The following MYO16 variants were observed in gnomAD, a reference collection of about 807,000 sequenced individuals.
The protein encoded by MYO16 is unconventional myosin-XVI.
A neutral mutation model predicts 205.3 loss-of-function variants in MYO16; 94 were observed. The observed-to-expected ratio is 0.46, with a 90% CI of 0.39 to 0.54. The LOEUF (loss-of-function observed/expected upper bound fraction) is 0.54, where lower values mean the gene tolerates loss of function less well. MYO16 is among the 20% of genes least tolerant of loss of function. The pLI, the probability that MYO16 is intolerant of heterozygous loss-of-function variation, is 0.00. For synonymous variants in MYO16, 988 were observed against 954.0 expected (o/e 1.04, Z -0.66); for missense variants, 2,315 against 2,387.5 (o/e 0.97, Z 0.63).
At position 109,133,388 on chromosome 13, in the gene MYO16, T is replaced by G. The variant is rs142374792; in HGVS notation, c.4051+5838T>G. 5.0e-3 allele frequency among the ~76,000 whole-genome samples: 768 copies of G among 152,364 alleles called. 15 individuals carry two copies. Among genetic ancestry groups the G allele is most frequent in the Middle Eastern group, 0.041 (12 of 294 alleles). ...CTCATTCCTCCTTTTTCTCATAGAT[T>G]AACTATGCAGGTATTTTGTTCTTGT... is the stretch of plus-strand genomic sequence containing the variant. On this transcript the variant is annotated intron_variant, in intron 31 of 34. Coordinates refer to ENST00000457511, the MANE Select transcript of MYO16 (RefSeq NM_001198950.3).
chr13:108,575,780 A>G, the MYO16 span, among the ~76,000 whole-genome samples: 1 of 152,118 alleles, frequency 6.6e-6, no homozygotes, highest in African/African-American at 2.4e-5. Flanking sequence ...TGTGGTGCCT[A>G]CGCTCTGGTT....
chr13:108,716,753 T>A (rs557481864), intron 3 of MYO16, among the ~76,000 whole-genome samples: 1 of 152,280 alleles, frequency 6.6e-6, no homozygotes, highest in East Asian at 1.9e-4. Context: ...AATGCGAGTG[T>A]GGGCATCAAG....
the MYO16 span, among the ~76,000 whole-genome samples, chr13:108,570,165 A>T: frequency 3.3e-5 from 5 of 151,840 alleles, no homozygotes; most frequent in African/African-American, 1.2e-4. Flanking sequence ...TTTATTCTAC[A>T]CTTTGGAAGT....
chr13:108,717,186 TC>T (rs1209464722), intron 3 of MYO16, among the ~76,000 whole-genome samples: 2 of 152,162 alleles, frequency 1.3e-5, no homozygotes, highest in Non-Finnish European at 1.5e-5. Context: ...GAGAAGGCGC[TC>T]CCAATGGTAA....
chr13:109,140,219 T>G lies in MYO16; in HGVS notation c.4052-45T>G. The G allele has an allele frequency of 6.3e-7, 1 of 1,587,712 alleles. No individual in the cohort carries two copies. The highest frequency in any genetic ancestry group is 8.5e-7 in the Non-Finnish European group (1 of 1,174,522). ...GAGCCCCGGGCTTGGTGGGCACCCGTGGGCCTGGCCTGGCACCCACTGACC... is the reference window on the plus strand; with the variant it reads ...GAGCCCCGGGCTTGGTGGGCACCCGGGGGCCTGGCCTGGCACCCACTGACC... On this transcript the variant is annotated intron_variant, in intron 31 of 34. Transcript: ENST00000457511. This position sits in a 1 kb window ranked among gnomAD's most constrained non-coding sequence, Gnocchi z 8.0.
chr13:108,957,810 T>G lies in MYO16; in HGVS notation c.2037+11T>G. 1 of 1,582,506 alleles carries G rather than the reference T, an allele frequency of 6.3e-7. No individual in the cohort carries two copies. Among genetic ancestry groups the G allele is most frequent in the Non-Finnish European group, 8.7e-7 (1 of 1,151,848 alleles). On this transcript the variant is annotated intron_variant, in intron 17 of 34. Coordinates refer to ENST00000457511, the MANE Select transcript of MYO16 (RefSeq NM_001198950.3). Reference sequence around the variant, plus strand: ...GGCTTCAGCAGCTTGGTGAGTCATGTCATAAATATTTCACTGAGAAAATCA... The same window carrying G: ...GGCTTCAGCAGCTTGGTGAGTCATGGCATAAATATTTCACTGAGAAAATCA...
chr13:108,972,391 T>C (rs1342623099), intron 20 of MYO16, among the ~76,000 whole-genome samples: 2 of 75,014 alleles, frequency 2.7e-5, no homozygotes, highest in Non-Finnish European at 5.0e-5. Context: ...TATATATATA[T>C]ATATATAGTG....
chr13:109,117,898 T>C (rs1280492162), intron 28 of MYO16, among the ~76,000 whole-genome samples: 1 of 152,194 alleles, frequency 6.6e-6, no homozygotes, highest in Non-Finnish European at 1.5e-5. Context: ...TCCCAGCATA[T>C]CCAAATTGCT....
intron 28 of MYO16, among the ~76,000 whole-genome samples, chr13:109,103,518 T>C (rs566935928): frequency 1.3e-5 from 2 of 152,372 alleles, no homozygotes; most frequent in South Asian, 4.1e-4. Flanking sequence ...TATATTTTGC[T>C]GTGTTAAGTG....
At chr13:109,203,888 C>A (rs1008077361) in intron 34 of MYO16, among the ~76,000 whole-genome samples, 1 of 152,158 alleles carries the variant, frequency 6.6e-6, no homozygotes, top group Non-Finnish European at 1.5e-5. Flanking sequence ...CCCCTGTGGA[C>A]GATGGCTGTG....
intron 2 of MYO16, among the ~76,000 whole-genome samples, chr13:108,709,852 C>T (rs1838578794): frequency 7.4e-6 from 1 of 134,286 alleles, no homozygotes; most frequent in African/African-American, 2.8e-5. Context: ...TAATGATGGG[C>T]AAGCCAGTTA....
the MYO16 span, among the ~76,000 whole-genome samples, chr13:108,501,097 T>C: frequency 7.9e-5 from 12 of 152,292 alleles, no homozygotes; most frequent in African/African-American, 2.6e-4. Flanking sequence ...CCCCACTTCA[T>C]AGAGGTCCCT....
intron 27 of MYO16, among the ~76,000 whole-genome samples, chr13:109,085,389 G>T (rs936698325): frequency 6.6e-6 from 1 of 152,194 alleles, no homozygotes; most frequent in Non-Finnish European, 1.5e-5. Context: ...GATGTGGAAG[G>T]ACCACAAGTT....
At chr13:108,921,769 A>C (rs1881754948) in intron 16 of MYO16, among the ~76,000 whole-genome samples, 1 of 152,188 alleles carries the variant, frequency 6.6e-6, no homozygotes, top group Non-Finnish European at 1.5e-5. Context: ...GAAGGCACAG[A>C]GTTTACTTAA....
chr13:109,151,932 C>T (rs991880058), intron 32 of MYO16, among the ~76,000 whole-genome samples: 7 of 152,090 alleles, frequency 4.6e-5, no homozygotes, highest in East Asian at 3.9e-4. Context: ...GGCGAGATGA[C>T]GTGCTGGAGG....
chr13:109,077,550 G>A (rs780593269), intron 27 of MYO16, among the ~76,000 whole-genome samples: 6 of 152,260 alleles, frequency 3.9e-5, no homozygotes, highest in South Asian at 2.1e-4. Flanking sequence ...ACACTCTCAC[G>A]TCATTTGTGG....
At chr13:108,580,121 T>C in the MYO16 span, among the ~76,000 whole-genome samples, 1 of 152,188 alleles carries the variant, frequency 6.6e-6, no homozygotes, top group Non-Finnish European at 1.5e-5. Flanking sequence ...ATAAAGTCAA[T>C]AAAAGAGTTC....
intron 21 of MYO16, among the ~76,000 whole-genome samples, chr13:108,997,269 G>T (rs1485331587): frequency 6.7e-6 from 1 of 150,036 alleles, no homozygotes; most frequent in Non-Finnish European, 1.5e-5. Context: ...ACTCCCATCT[G>T]GGTGACAGAA....
At chr13:108,908,978 AAAT>A (rs1384915104) in intron 15 of MYO16, among the ~76,000 whole-genome samples, 1 of 146,000 alleles carries the variant, frequency 6.8e-6, no homozygotes. Flanking sequence ...GTCTCAAAAA[AAAT>A]AAAATAAAAT....
Sources: allele counts gnomAD v4.1 joint callset (sites outside exome capture counted in the v4.1 genomes callset), GRCh38; gene constraint gnomAD v4.1.1; non-coding constraint Gnocchi (gnomAD v3.1); transcripts MANE v1.5; gene names NCBI Gene and HGNC (gene_info 2026-07-23, HGNC 2026-07-21).